SUDS3: variants seen among roughly 807,000 people sequenced by gnomAD.
SUDS3 encodes sin3 histone deacetylase corepressor complex component SDS3.
In SUDS3, 23 loss-of-function variants were observed where a neutral mutation model predicts 53.5. That is an observed-to-expected ratio of 0.43 (90% confidence interval 0.31 to 0.61). SUDS3 has a LOEUF of 0.61. SUDS3 is among the 20% of genes least tolerant of loss of function. The probability of loss-of-function intolerance (pLI) is 0.10; values close to 1 mark genes in which losing one functional copy is unlikely to be tolerated. For synonymous variants in SUDS3, 150 were observed against 148.5 expected, an observed-to-expected ratio of 1.01 and a Z score of -0.08; for missense variants, 291 against 405.9, an observed-to-expected ratio of 0.72 and a Z score of 2.43.
intron 5 of SUDS3, among the ~76,000 whole-genome samples, chr12:118,390,470 C>A (rs1593761535): frequency 6.6e-6 from 1 of 152,224 alleles, no homozygotes; most frequent in East Asian, 1.9e-4. Flanking sequence ...GTGGGGGTTA[C>A]TTTTTGAGAA....
At chr12:118,391,987 A>G (rs1244553445) in intron 6 of SUDS3, among the ~76,000 whole-genome samples, 1 of 152,240 alleles carries the variant, frequency 6.6e-6, no homozygotes, top group Non-Finnish European at 1.5e-5. Flanking sequence ...GGTTGTAGGC[A>G]GGTTTCAGGG....
rs748835766 is a variant in SUDS3 at position 118,380,186 on chromosome 12, AC to A, written c.169del (p.Leu57TrpfsTer10). 1 of 1,609,238 alleles carries A rather than the reference AC, an allele frequency of 6.2e-7. No individual in the cohort carries two copies. Among genetic ancestry groups the A allele is most frequent in the Non-Finnish European group, 8.5e-7 (1 of 1,177,814 alleles). On this transcript the variant is annotated frameshift_variant, in exon 2 of 12. Coordinates refer to ENST00000543473, the MANE Select transcript of SUDS3 (RefSeq NM_022491.3). LOFTEE classifies it high-confidence loss of function. ...DEDTEDASET[D>X]LAKHDEEDYV... ...GACACTGAGGATGCTAGTGAAACTGACCTGGCAAAGCATGATGAAGAAGACT... is the reference window on the plus strand; with the variant it reads ...GACACTGAGGATGCTAGTGAAACTGACTGGCAAAGCATGATGAAGAAGACT...
rs573080372 is a variant in SUDS3 at position 118,417,539 on chromosome 12, A to G, written c.*3106A>G. The G allele has an allele frequency of 2.0e-5, 3 of 152,166 alleles. No homozygotes were observed. The highest frequency in any genetic ancestry group is 7.2e-5 in the African/African-American group (3 of 41,514). 9.4% of individuals were successfully genotyped at this position (152,166 alleles called of 1,614,324 possible). A position where few individuals can be genotyped will look rare whatever the true frequency, so the allele number is the denominator to read the frequency against. ...TGCTTACTGTTACACCAATTTGTCC[A>G]AAGAGTTGAAATCACTTTAATGCCA... On this transcript the variant is annotated 3_prime_UTR_variant, in exon 12 of 12. Coordinates refer to ENST00000543473, the MANE Select transcript of SUDS3 (RefSeq NM_022491.3).
chr12:118,413,820 C>G (rs139207382), intron 11 of SUDS3, among the ~76,000 whole-genome samples: 1 of 152,302 alleles, frequency 6.6e-6, no homozygotes, highest in African/African-American at 2.4e-5. Context: ...TGGGCCTTAG[C>G]TCATTAGTGG....
chr12:118,412,723 A>G (rs758983555), intron 11 of SUDS3, among the ~76,000 whole-genome samples: 2 of 152,164 alleles, frequency 1.3e-5, no homozygotes, highest in Non-Finnish European at 2.9e-5. Context: ...TGATACCTCA[A>G]GATTTTTCAG....
intron 6 of SUDS3, among the ~76,000 whole-genome samples, chr12:118,399,289 G>A (rs906435156): frequency 6.6e-6 from 1 of 152,106 alleles, no homozygotes; most frequent in African/African-American, 2.4e-5. Context: ...ATCACTTGAG[G>A]TCAGGAGTTT....
At chr12:118,384,154 G>A (rs1402329410) in intron 3 of SUDS3, 87 bp downstream of exon 3, 1 of 1,384,820 alleles carries the variant, frequency 7.2e-7, no homozygotes, top group African/African-American at 1.4e-5. Context: ...TTCTCTGTGG[G>A]AGTTATTTAA....
chr12:118,407,834 T>G (rs2046321651), intron 10 of SUDS3, among the ~76,000 whole-genome samples: 1 of 147,706 alleles, frequency 6.8e-6, no homozygotes, highest in Non-Finnish European at 1.5e-5. Flanking sequence ...TTCTCCTACC[T>G]CAGCCTCCTG....
chr12:118,394,090 G>A (rs2046192826), intron 6 of SUDS3, among the ~76,000 whole-genome samples: 3 of 152,164 alleles, frequency 2.0e-5, no homozygotes, highest in African/African-American at 7.2e-5. Flanking sequence ...CTTACACTGA[G>A]CCAAGCATTA....
intron 4 of SUDS3, among the ~76,000 whole-genome samples, chr12:118,386,960 G>A (rs1252984216): frequency 6.6e-6 from 1 of 152,188 alleles, no homozygotes; most frequent in Admixed American, 6.5e-5. Context: ...TGCCAGCAGA[G>A]TCCTTGTTCC....
intron 11 of SUDS3, among the ~76,000 whole-genome samples, chr12:118,411,429 C>T (rs1485454681): frequency 1.3e-5 from 2 of 152,146 alleles, no homozygotes; most frequent in Non-Finnish European, 2.9e-5. Context: ...AACCACGGAG[C>T]TAGATTCCAG....
chr12:118,385,139 C>T (rs1238835824), intron 3 of SUDS3, among the ~76,000 whole-genome samples: 6 of 151,776 alleles, frequency 4.0e-5, no homozygotes, highest in East Asian at 1.9e-4. Context: ...GGCTGAGTTC[C>T]GCTTTTGTCA....
At chr12:118,391,078 TGG>T in intron 5 of SUDS3, 46 bp from the exon 6 acceptor site, 1 of 1,606,722 alleles carries the variant, frequency 6.2e-7, no homozygotes, top group Non-Finnish European at 8.5e-7. Context: ...GTTGGAGCCC[TGG>T]CTCCCAGGGC....
chr12:118,390,544 A>G (rs1248603353), intron 5 of SUDS3, among the ~76,000 whole-genome samples: 2 of 152,182 alleles, frequency 1.3e-5, no homozygotes, highest in Non-Finnish European at 2.9e-5. Context: ...TGGTGCCCAT[A>G]GTCACTCAGC....
intron 9 of SUDS3, 157 bp downstream of exon 9, chr12:118,402,161 A>G: frequency 1.4e-6 from 1 of 693,222 alleles, no homozygotes; most frequent in Non-Finnish European, 2.5e-6. Context: ...GACCTTAACT[A>G]TACCCCTCCC....
intron 10 of SUDS3, among the ~76,000 whole-genome samples, chr12:118,406,315 A>G (rs2046307955): frequency 6.6e-6 from 1 of 152,220 alleles, no homozygotes. Flanking sequence ...AAGACTTAAA[A>G]CAGTGAATAT....
rs1407243371 is a variant in SUDS3 at position 118,400,593 on chromosome 12, C to G, written c.518-66C>G. On this transcript the variant is annotated intron_variant, in intron 6 of 11. Coordinates refer to ENST00000543473, the MANE Select transcript of SUDS3 (RefSeq NM_022491.3). ...TGGCTGGGGGGCAGATATTCTTATA[C>G]TATAGAAATTCTTACTGACTTCAAG... 4.1e-6 allele frequency: 6 copies of G among 1,467,820 alleles called. No homozygotes were observed. In the Admixed American group the frequency reaches 1.0e-4, roughly 25 times the overall value. 90.9% of individuals were successfully genotyped at this position (1,467,820 alleles called of 1,614,324 possible).
At chr12:118,392,738 C>T (rs902515134) in intron 6 of SUDS3, among the ~76,000 whole-genome samples, 3 of 152,174 alleles carry the variant, frequency 2.0e-5, no homozygotes, top group African/African-American at 7.2e-5. Flanking sequence ...GCTAGAGCCA[C>T]CAGATGTTTG....
At chr12:118,377,390 T>C (rs1805044443) in intron 1 of SUDS3, among the ~76,000 whole-genome samples, 1 of 152,168 alleles carries the variant, frequency 6.6e-6, no homozygotes, top group Admixed American at 6.5e-5. Context: ...TACCCAACTG[T>C]AATGGAGCTG....
Sources: allele counts gnomAD v4.1 joint callset (sites outside exome capture counted in the v4.1 genomes callset), GRCh38; gene constraint gnomAD v4.1.1; transcripts MANE v1.5; gene names NCBI Gene and HGNC (gene_info 2026-07-23, HGNC 2026-07-21).